The following SGCZ variants were observed in gnomAD, a reference collection of about 807,000 sequenced individuals.
SGCZ encodes the protein zeta-sarcoglycan.
Under a neutral mutation model 41.3 loss-of-function variants are expected in SGCZ, and 40 were observed. The observed-to-expected ratio is 0.97, with a 90% CI of 0.75 to 1.26. SGCZ has a LOEUF of 1.26. Among genes scored for constraint, SGCZ ranks in the 50% most tolerant of loss-of-function variants. The probability of loss-of-function intolerance (pLI) is 0.00; values close to 1 mark genes in which losing one functional copy is unlikely to be tolerated. For synonymous variants in SGCZ, 206 were observed against 137.5 expected (o/e 1.50, Z -3.49); for missense variants, 552 against 369.8 (o/e 1.49, Z -4.04).
intron 1 of SGCZ, among the ~76,000 whole-genome samples, chr8:15,050,779 G>T (rs560055843): frequency 7.2e-5 from 11 of 152,100 alleles, no homozygotes; most frequent in Non-Finnish European, 7.3e-5. Context: ...AAGAAGTTAG[G>T]CTCTGAAGGG....
intron 2 of SGCZ, among the ~76,000 whole-genome samples, chr8:14,332,206 C>G (rs1422126835): frequency 6.6e-6 from 1 of 151,982 alleles, no homozygotes; most frequent in African/African-American, 2.4e-5. Context: ...GAGGCCGAAG[C>G]GGGCGGATCA....
At chr8:14,158,661 C>T (rs12549321) in intron 5 of SGCZ, among the ~76,000 whole-genome samples, 49,757 of 152,030 alleles carry the variant, frequency 0.33, 8,365 homozygotes, top group Middle Eastern at 0.47. Flanking sequence ...ATGAGAAGTC[C>T]GCATGAGCAG....
intron 1 of SGCZ, among the ~76,000 whole-genome samples, chr8:15,015,438 A>T (rs1585475179): frequency 6.6e-6 from 1 of 151,730 alleles, no homozygotes; most frequent in African/African-American, 2.4e-5. Context: ...GGTGGCTCAC[A>T]CTTGTAATCC....
At chr8:14,723,912 A>C (rs540805477) in intron 1 of SGCZ, among the ~76,000 whole-genome samples, 166 of 152,214 alleles carry the variant, frequency 1.1e-3, no homozygotes, top group African/African-American at 3.8e-3. Flanking sequence ...TTGCCTTTAT[A>C]GCAACACACA....
intron 1 of SGCZ, among the ~76,000 whole-genome samples, chr8:14,997,504 G>C (rs1477103118): frequency 6.6e-6 from 1 of 152,040 alleles, no homozygotes; most frequent in Non-Finnish European, 1.5e-5. Context: ...TTTTATTATG[G>C]CAAAATTTAT....
At chr8:14,515,910 T>A (rs1169244686) in intron 2 of SGCZ, among the ~76,000 whole-genome samples, 1 of 152,128 alleles carries the variant, frequency 6.6e-6, no homozygotes, top group Non-Finnish European at 1.5e-5. Flanking sequence ...TGTTATATCA[T>A]CTTTTACTTT....
chr8:15,073,662 A>T (rs1805431755), intron 1 of SGCZ, among the ~76,000 whole-genome samples: 2 of 152,184 alleles, frequency 1.3e-5, no homozygotes, highest in Non-Finnish European at 2.9e-5. Flanking sequence ...AAGATCAAAG[A>T]ATATGACCTC....
chr8:14,366,360 A>G (rs1400898470), intron 2 of SGCZ, among the ~76,000 whole-genome samples: 2 of 152,106 alleles, frequency 1.3e-5, no homozygotes, highest in African/African-American at 4.8e-5. Flanking sequence ...AAAAACTACC[A>G]TTTATAAAAC....
intron 1 of SGCZ, among the ~76,000 whole-genome samples, chr8:14,663,497 G>A (rs1203025645): frequency 6.6e-6 from 1 of 151,948 alleles, no homozygotes; most frequent in Non-Finnish European, 1.5e-5. Context: ...GTGATTTTCA[G>A]GTGAGTTGTC....
intron 1 of SGCZ, among the ~76,000 whole-genome samples, chr8:14,786,936 G>C (rs1800786960): frequency 6.6e-6 from 1 of 151,776 alleles, no homozygotes; most frequent in South Asian, 2.1e-4. Flanking sequence ...GAGGGGAAAG[G>C]GTAGAAAATA....
rs1036889326 is a variant in SGCZ, at chr8:14,085,452, A to T, written c.*4991T>A. 6.6e-6 allele frequency among the ~76,000 whole-genome samples: 1 copy of T among 151,802 alleles called. No homozygotes were observed. Among genetic ancestry groups the T allele is most frequent in the African/African-American group, 2.4e-5 (1 of 41,408 alleles). ...TTATTTATAAATACGCAAACAAATG[A>T]GATACTAAGACTGAAAAAAACAAAA... is the stretch of plus-strand genomic sequence containing the variant. On this transcript the variant is annotated 3_prime_UTR_variant, in exon 8 of 8. Coordinates refer to ENST00000382080, the MANE Select transcript of SGCZ (RefSeq NM_139167.4).
chr8:15,152,381 A>G (rs985360936), intron 1 of SGCZ, among the ~76,000 whole-genome samples: 2 of 152,222 alleles, frequency 1.3e-5, no homozygotes, highest in African/African-American at 2.4e-5. Flanking sequence ...AGGATGCTCG[A>G]GTACAGTACG....
intron 1 of SGCZ, among the ~76,000 whole-genome samples, chr8:14,891,908 A>T (rs1017978484): frequency 3.9e-5 from 6 of 152,210 alleles, no homozygotes. Flanking sequence ...CATTAGCAAT[A>T]AAGTAATTTT....
intron 1 of SGCZ, among the ~76,000 whole-genome samples, chr8:14,776,982 C>T (rs537520215): frequency 6.6e-6 from 1 of 152,098 alleles, no homozygotes; most frequent in Non-Finnish European, 1.5e-5. Context: ...TTGAATGGCA[C>T]CCGAATGTTC....
At chr8:14,773,028 G>C (rs1001321578) in intron 1 of SGCZ, among the ~76,000 whole-genome samples, 1 of 152,142 alleles carries the variant, frequency 6.6e-6, no homozygotes, top group African/African-American at 2.4e-5. Flanking sequence ...GGTTGAACTA[G>C]CTTACAGTCC....
chr8:15,017,944 G>C (rs960272693), intron 1 of SGCZ, among the ~76,000 whole-genome samples: 3 of 152,018 alleles, frequency 2.0e-5, no homozygotes, highest in African/African-American at 7.2e-5. Context: ...TGCCCAGTCT[G>C]GTCTTGAACC....
At chr8:15,176,195 G>C (rs1351325924) in intron 1 of SGCZ, among the ~76,000 whole-genome samples, 1 of 152,140 alleles carries the variant, frequency 6.6e-6, no homozygotes, top group Non-Finnish European at 1.5e-5. Flanking sequence ...TTAAAGCTGA[G>C]AGGCTTTAAT....
chr8:14,185,009 C>G (rs191468565), intron 4 of SGCZ, among the ~76,000 whole-genome samples: 2 of 152,234 alleles, frequency 1.3e-5, no homozygotes, highest in Admixed American at 6.5e-5. Flanking sequence ...TTTAATTAGA[C>G]TTTATAACAT....
chr8:14,337,471 G>C (rs565835939), intron 2 of SGCZ, among the ~76,000 whole-genome samples: 4 of 152,070 alleles, frequency 2.6e-5, no homozygotes, highest in Non-Finnish European at 4.4e-5. Flanking sequence ...CTGGGATAAA[G>C]AATTTTACTA....
Sources: allele counts gnomAD v4.1 joint callset (sites outside exome capture counted in the v4.1 genomes callset), GRCh38; gene constraint gnomAD v4.1.1; transcripts MANE v1.5; gene names NCBI Gene and HGNC (gene_info 2026-07-23, HGNC 2026-07-21).